LYPD6: variants seen among roughly 807,000 people sequenced by gnomAD.
The protein encoded by LYPD6 is LY6/PLAUR domain containing 6, also known as ly6/PLAUR domain-containing protein 6.
LYPD6 carries 15 observed loss-of-function variants against 22.7 expected under a neutral mutation model. The observed-to-expected ratio is 0.66, with a 90% CI of 0.44 to 1.02. The LOEUF (loss-of-function observed/expected upper bound fraction) is 1.02, where lower values mean the gene tolerates loss of function less well. Ranked by LOEUF, LYPD6 falls within the 50% of genes least tolerant of loss-of-function variation. The pLI is 0.00. For missense variants in LYPD6, 189 were observed against 208.4 expected, an observed-to-expected ratio of 0.91 and a Z score of 0.57; for synonymous variants, 72 against 77.5, an observed-to-expected ratio of 0.93 and a Z score of 0.37.
At chr2:149,468,439 C>A (rs1681255390) in intron 3 of LYPD6, among the ~76,000 whole-genome samples, 1 of 152,144 alleles carries the variant, frequency 6.6e-6, no homozygotes, top group Admixed American at 6.5e-5. Flanking sequence ...GCAGAGAAAT[C>A]AATATTCTTT....
At chr2:149,436,152 C>T (rs991436518) in intron 1 of LYPD6, among the ~76,000 whole-genome samples, 4 of 152,002 alleles carry the variant, frequency 2.6e-5, no homozygotes, top group Admixed American at 6.6e-5. Flanking sequence ...CTGATTGGGT[C>T]GTATTGATTT....
intron 1 of LYPD6, among the ~76,000 whole-genome samples, chr2:149,366,714 G>T (rs1681676074): frequency 6.6e-6 from 1 of 152,070 alleles, no homozygotes; most frequent in Non-Finnish European, 1.5e-5. Context: ...ATTTATCAGG[G>T]CTCATAGAGT....
downstream of LYPD6, among the ~76,000 whole-genome samples, chr2:149,477,562 G>A (rs191940053): frequency 7.8e-4 from 109 of 140,534 alleles, no homozygotes; most frequent in Non-Finnish European, 1.2e-3. Flanking sequence ...GGCAGAGGTT[G>A]CAGTGAGCCG....
At chr2:149,453,534 G>T (rs982582142) in intron 3 of LYPD6, among the ~76,000 whole-genome samples, 2 of 152,118 alleles carry the variant, frequency 1.3e-5, no homozygotes, top group Admixed American at 1.3e-4. Context: ...TGAGTTAGAG[G>T]ACACATATTC....
At position 149,460,278 on chromosome 2, in the gene LYPD6, T is replaced by C. The variant is rs543247929; in HGVS notation, c.218-8367T>C. Among the ~76,000 whole-genome samples, 117 of 152,296 alleles carry C rather than the reference T, an allele frequency of 7.7e-4. 1 individual carries two copies. The highest frequency in any genetic ancestry group is 2.6e-3 in the African/African-American group (109 of 41,570). Reference sequence around the variant, plus strand: ...CCATGACCCAAATATATGTCATCTGTAATAAATTTACTTCAAAATAATTAT... The same window carrying C: ...CCATGACCCAAATATATGTCATCTGCAATAAATTTACTTCAAAATAATTAT... On this transcript the variant is annotated intron_variant, in intron 3 of 4. Transcript: ENST00000334166.
intron 1 of LYPD6, among the ~76,000 whole-genome samples, chr2:149,427,950 T>A (rs1190171247): frequency 6.6e-6 from 1 of 152,242 alleles, no homozygotes; most frequent in Non-Finnish European, 1.5e-5. Flanking sequence ...AGCTTTTCCC[T>A]ATAACTCTAG....
rs953476500 is a variant in LYPD6 at position 149,473,358 on chromosome 2, C to G, written c.*2508C>G. 6 of 152,580 alleles carry G rather than the reference C, an allele frequency of 3.9e-5. No individual in the cohort carries two copies. The highest frequency in any genetic ancestry group is 1.4e-4 in the African/African-American group (6 of 41,440). The allele number at this position is 152,580 out of a possible 1,614,324, so 9.5% of individuals were successfully genotyped here. A position where few individuals can be genotyped will look rare whatever the true frequency, so the allele number is the denominator to read the frequency against. On this transcript the variant is annotated 3_prime_UTR_variant, in exon 5 of 5. Transcript: ENST00000334166. The stretch of plus-strand genomic sequence containing the variant: ...GAAAGAAAGTTATTTGCTCACTATC[C>G]CCAGCCTCAAGGAGCCAAGGAAGAG...
intron 1 of LYPD6, among the ~76,000 whole-genome samples, chr2:149,393,180 T>G (rs1281133338): frequency 1.3e-5 from 2 of 152,242 alleles, no homozygotes; most frequent in East Asian, 1.9e-4. Context: ...TATAAAAGCC[T>G]TCTTTTCATG....
intron 1 of LYPD6, among the ~76,000 whole-genome samples, chr2:149,394,817 A>G (rs1682393524): frequency 6.6e-6 from 1 of 152,112 alleles, no homozygotes; most frequent in Non-Finnish European, 1.5e-5. Flanking sequence ...TGAACAGCCT[A>G]GTTTGTAGAT....
At chr2:149,468,494 G>A (rs1490883780) in intron 3 of LYPD6, 151 bp from the exon 4 acceptor site, 1 of 752,790 alleles carries the variant, frequency 1.3e-6, no homozygotes, top group South Asian at 1.9e-5. Context: ...CTCCAAAGAG[G>A]TCTTTGGGGT....
intron 3 of LYPD6, among the ~76,000 whole-genome samples, chr2:149,458,390 T>C (rs1208075223): frequency 6.6e-6 from 1 of 152,108 alleles, no homozygotes; most frequent in Non-Finnish European, 1.5e-5. Context: ...CCGCCACCCA[T>C]TGGTATTGAG....
chr2:149,438,783 G>A (rs1683491726), intron 2 of LYPD6, among the ~76,000 whole-genome samples: 1 of 152,202 alleles, frequency 6.6e-6, no homozygotes, highest in Non-Finnish European at 1.5e-5. Context: ...CTTGTTCTGG[G>A]TTAGCTGAGA....
At chr2:149,406,189 G>C (rs1189600962) in intron 1 of LYPD6, among the ~76,000 whole-genome samples, 2 of 149,754 alleles carry the variant, frequency 1.3e-5, no homozygotes, top group Non-Finnish European at 3.0e-5. Context: ...GTGGTGTGGT[G>C]CTGAAAAAAA....
intron 1 of LYPD6, among the ~76,000 whole-genome samples, chr2:149,386,458 C>A (rs1414855758): frequency 6.6e-6 from 1 of 152,158 alleles, no homozygotes; most frequent in African/African-American, 2.4e-5. Context: ...CATCCTAAAG[C>A]CTTCAGCAGT....
intron 1 of LYPD6, among the ~76,000 whole-genome samples, chr2:149,423,317 T>A (rs1683120701): frequency 6.6e-6 from 1 of 152,190 alleles, no homozygotes; most frequent in Non-Finnish European, 1.5e-5. Context: ...GCTTCTGGGT[T>A]ATTTGAATTT....
chr2:149,343,150 C>G (rs1049502525), intron 1 of LYPD6, among the ~76,000 whole-genome samples: 2 of 152,084 alleles, frequency 1.3e-5, no homozygotes, highest in Admixed American at 1.3e-4. Context: ...TGTAGAGAAG[C>G]AAGCAGACTC....
At chr2:149,411,926 A>G (rs547220953) in intron 1 of LYPD6, among the ~76,000 whole-genome samples, 8 of 152,186 alleles carry the variant, frequency 5.3e-5, no homozygotes, top group African/African-American at 1.7e-4. Context: ...CCTAGTGTAC[A>G]TTCTTGTTTG....
chr2:149,485,827 A>T, the LYPD6 span, among the ~76,000 whole-genome samples: 1 of 152,174 alleles, frequency 6.6e-6, no homozygotes, highest in Non-Finnish European at 1.5e-5. Flanking sequence ...AAAACACAAA[A>T]TGTACATGGG....
downstream of LYPD6, among the ~76,000 whole-genome samples, chr2:149,478,467 A>G (rs564476958): frequency 6.6e-6 from 1 of 151,884 alleles, no homozygotes; most frequent in East Asian, 1.9e-4. Context: ...TCTGTTGCCC[A>G]GGTTAGAGTA....
Sources: gnomAD v4.1 joint callset for allele counts (sites outside exome capture counted in the v4.1 genomes callset) on GRCh38, gnomAD v4.1.1 for gene constraint, MANE v1.5 for transcripts, NCBI Gene and HGNC (gene_info 2026-07-23, HGNC 2026-07-21) for gene names.